Variants in MAP9 observed in about 807,000 individuals in gnomAD.
The protein encoded by MAP9 is microtubule associated protein 9.
MAP9 carries 80 observed loss-of-function variants against 75.2 expected under a neutral mutation model. The ratio of observed to expected loss-of-function variants is 1.06; its 90% CI spans 0.89 to 1.28. The LOEUF is 1.28. Ranked by LOEUF, MAP9 falls within the 50% of genes most tolerant of loss-of-function variation. MAP9 has a pLI of 0.00. For synonymous variants in MAP9, 235 were observed against 237.3 expected, an observed-to-expected ratio of 0.99 and a Z score of 0.09; for missense variants, 753 against 719.9, an observed-to-expected ratio of 1.05 and a Z score of -0.53.
rs1036712786 is a variant in MAP9, at chr4:155,368,137, C to T, written c.708+449G>A. On this transcript the variant is annotated intron_variant, in intron 5 of 13. Transcript: ENST00000311277. ...AAGAGTGCCATGAACATTCAACACA[C>T]ATTTGTTGAGTGAATAAAATCAAAT... 9 of 194,946 alleles carry T rather than the reference C, an allele frequency of 4.6e-5. No individual in the cohort carries two copies. The South Asian group carries it at 6.9e-4, about 15-fold the overall frequency. 12.1% of individuals were successfully genotyped at this position (194,946 alleles called of 1,614,324 possible).
chr4:155,375,660 CA>C, intron 2 of MAP9, 115 bp downstream of exon 2: 1 of 564,062 alleles, frequency 1.8e-6, no homozygotes, highest in Admixed American at 3.5e-5. Context: ...TGCAAAACCT[CA>C]AAAGTAATAT....
At chr4:155,357,425 G>A (rs754225061) in intron 8 of MAP9, 24 bp downstream of exon 8, 2 of 1,431,796 alleles carry the variant, frequency 1.4e-6, no homozygotes, top group East Asian at 2.3e-5. Context: ...GCCCATAAAT[G>A]ACAAATATTG....
At chr4:155,366,646 T>A (rs1346407270) in intron 5 of MAP9, among the ~76,000 whole-genome samples, 1 of 152,194 alleles carries the variant, frequency 6.6e-6, no homozygotes, top group Non-Finnish European at 1.5e-5. Flanking sequence ...AATGTCATGA[T>A]AATCCTAGTC....
rs768800612 is a variant in MAP9 at position 155,375,752 on chromosome 4, T to C, written c.75+24A>G. On this transcript the variant is annotated intron_variant, in intron 2 of 13. Coordinates refer to ENST00000311277, the MANE Select transcript of MAP9 (RefSeq NM_001039580.2). ...CTAATACAGTGTTTACACTGTGAAA[T>C]GATTCCAAATAAAAATACTTTACCT... 110 of 1,479,714 alleles carry C rather than the reference T, an allele frequency of 7.4e-5. 2 individuals are homozygous for C. In the South Asian group the frequency reaches 9.5e-4, roughly 13 times the overall value. 91.7% of individuals were successfully genotyped at this position (1,479,714 alleles called of 1,614,324 possible).
intron 7 of MAP9, among the ~76,000 whole-genome samples, chr4:155,359,210 T>TATACACACAC (rs371399839): frequency 3.1e-4 from 45 of 145,478 alleles, no homozygotes; most frequent in African/African-American, 1.1e-3. Context: ...AAAATGTGTA[T>TATACACACAC]ACACACACAC....
Position 155,373,556 on chromosome 4 carries a change from T to G in MAP9, c.161-100A>C. On this transcript the variant is annotated intron_variant, in intron 3 of 13. Coordinates refer to ENST00000311277, the MANE Select transcript of MAP9 (RefSeq NM_001039580.2). ...TTTACCTTAAAAGCTACAAACAAAA[T>G]TCTAACAATGAATAGGCACAAATGT... 3 of 758,284 alleles carry G rather than the reference T, an allele frequency of 4.0e-6. No homozygotes were observed. The South Asian group carries it at 6.9e-5, about 18-fold the overall frequency. The allele number at this position is 758,284 out of a possible 1,614,324, so 47.0% of individuals were successfully genotyped here.
At position 155,355,876 on chromosome 4, in the gene MAP9, G is replaced by A; in HGVS notation, c.1130C>T (p.Thr377Ile). Residue 377 changes from threonine to isoleucine, a missense_variant, in exon 9 of 14, where the codon ACC becomes ATC. Transcript: ENST00000311277. ...RASSASARLM[T>I]SEFLKKSSSK... ...ACTAGATTTCTTCAAAAACTCAGAGGTCATTAATCTGAAAAGATCCAAATG... is the reference window on the plus strand; with the variant it reads ...ACTAGATTTCTTCAAAAACTCAGAGATCATTAATCTGAAAAGATCCAAATG... The A allele has an allele frequency of 1.9e-6, 3 of 1,610,388 alleles. No homozygotes were observed. The highest frequency in any genetic ancestry group is 2.5e-6 in the Non-Finnish European group (3 of 1,177,984).
chr4:155,360,072 G>A (rs1045815134), intron 7 of MAP9, 96 bp downstream of exon 7: 16 of 1,111,986 alleles, frequency 1.4e-5, no homozygotes, highest in Non-Finnish European at 2.1e-5. Context: ...TTTTCCACTG[G>A]TAATTCAGAA....
intron 5 of MAP9, among the ~76,000 whole-genome samples, chr4:155,367,806 C>T (rs966946512): frequency 2.6e-5 from 4 of 152,232 alleles, no homozygotes; most frequent in African/African-American, 4.8e-5. Context: ...CTCTCAGCAC[C>T]TTCTGCCTCA....
intron 4 of MAP9, 147 bp from the exon 5 acceptor site, chr4:155,368,959 T>C: frequency 1.6e-6 from 1 of 627,766 alleles, no homozygotes; most frequent in Non-Finnish European, 2.8e-6. Context: ...AACTCTTCTC[T>C]ATACAGAGCT....
chr4:155,373,041 TTAAA>T (rs1361038745), intron 4 of MAP9, 91 bp downstream of exon 4: 3 of 780,306 alleles, frequency 3.8e-6, no homozygotes, highest in Non-Finnish European at 5.7e-6. Context: ...TCTTTTTTTC[TTAAA>T]TATATACTAG....
At chr4:155,363,336 A>G (rs1472387453) in intron 5 of MAP9, 1 of 152,136 alleles carries the variant, frequency 6.6e-6, no homozygotes, top group African/African-American at 2.4e-5. Context: ...ATCTCTACAA[A>G]ATATCATTCA....
In MAP9 at chr4:155,352,998, CTCCTT is replaced by C. The variant is rs751834658; in HGVS notation, c.1597_1601del (p.Lys533GlufsTer4). The stretch of plus-strand genomic sequence containing the variant: ...GTTTCTTTGCTCTTTCATATTCTCT[CTCCTT>C]TCTATTTTTCTCTTTAAGATATTCC... On this transcript the variant is annotated frameshift_variant, in exon 12 of 14. Transcript: ENST00000311277. LOFTEE classifies it high-confidence loss of function. 6.5e-6 allele frequency: 10 copies of C among 1,541,456 alleles called. No homozygotes were observed. The African/African-American group carries it at 1.4e-4, about 21-fold the overall frequency.
chr4:155,360,198 T>G lies in MAP9; in HGVS notation c.1020A>C (p.Leu340Phe). 1 of 1,612,374 alleles carries G rather than the reference T, an allele frequency of 6.2e-7. No homozygotes were observed. Residue 340 changes from leucine to phenylalanine, a missense_variant, in exon 7 of 14, where the codon TTA (leucine) becomes TTC (phenylalanine). Leu to Phe is a conservative substitution (Grantham distance 22). Transcript: ENST00000311277. ...DPLLSKSQSI[L>F]ISTSATASSK... Reference sequence around the variant, plus strand: ...AAGATGCTGTTGCACTGGTAGATATTAAGATACTCTGAGATTTAGATAGTA... The same window carrying G: ...AAGATGCTGTTGCACTGGTAGATATGAAGATACTCTGAGATTTAGATAGTA...
intron 3 of MAP9, among the ~76,000 whole-genome samples, chr4:155,374,185 A>G (rs1234838050): frequency 6.6e-6 from 1 of 152,060 alleles, no homozygotes; most frequent in Admixed American, 6.6e-5. Flanking sequence ...CTAAAAATAC[A>G]AAAATTAGCC....
intron 4 of MAP9, among the ~76,000 whole-genome samples, chr4:155,369,787 G>C (rs538204483): frequency 4.6e-5 from 7 of 152,160 alleles, no homozygotes; most frequent in African/African-American, 1.7e-4. Context: ...AACTTCTTTA[G>C]CATTTATTAA....
At chr4:155,353,406 C>A in intron 10 of MAP9, 66 bp from the exon 11 acceptor site, 1 of 1,258,142 alleles carries the variant, frequency 7.9e-7, no homozygotes, top group South Asian at 2.5e-5. Flanking sequence ...ACAAATATGG[C>A]TAGATATAAA....
chr4:155,370,484 AC>A (rs1451891906), intron 4 of MAP9, among the ~76,000 whole-genome samples: 3 of 152,116 alleles, frequency 2.0e-5, no homozygotes, highest in Non-Finnish European at 2.9e-5. Flanking sequence ...ATGCACACAT[AC>A]CACAATCCCT....
intron 4 of MAP9, among the ~76,000 whole-genome samples, chr4:155,371,237 C>T (rs1732576287): frequency 1.3e-5 from 2 of 152,078 alleles, no homozygotes; most frequent in South Asian, 4.1e-4. Context: ...TTACTTGCTA[C>T]TCAGCAATAT....
Sources: gnomAD v4.1 joint callset for allele counts (sites outside exome capture counted in the v4.1 genomes callset) on GRCh38, gnomAD v4.1.1 for gene constraint, MANE v1.5 for transcripts, NCBI Gene and HGNC (gene_info 2026-07-23, HGNC 2026-07-21) for gene names.